Variants in PLSCR2 observed in about 807,000 individuals in gnomAD.
The protein encoded by PLSCR2 is phospholipid scramblase 2.
In PLSCR2, 18 loss-of-function variants were observed where a neutral mutation model predicts 25.3. The observed-to-expected ratio is 0.71, with a 90% CI of 0.49 to 1.06. The LOEUF is 1.06. Among genes scored for constraint, PLSCR2 ranks in the 50% least tolerant of loss-of-function variants. The pLI is 0.00. For synonymous variants in PLSCR2, 88 were observed against 87.3 expected, an observed-to-expected ratio of 1.01 and a Z score of -0.04; for missense variants, 243 against 269.5, an observed-to-expected ratio of 0.90 and a Z score of 0.69.
intron 2 of PLSCR2, among the ~76,000 whole-genome samples, chr3:146,405,095 G>A (rs754873430): frequency 5.2e-4 from 79 of 152,058 alleles, no homozygotes; most frequent in Non-Finnish European, 1.1e-3. Flanking sequence ...GAAGGCTAAC[G>A]CTCAAAATTC....
At chr3:146,408,268 C>T (rs548812231) in intron 2 of PLSCR2, among the ~76,000 whole-genome samples, 1 of 152,092 alleles carries the variant, frequency 6.6e-6, no homozygotes, top group Non-Finnish European at 1.5e-5. Context: ...TCTGGAGTCT[C>T]GAGCCTTTTT....
At chr3:146,461,815 A>G (rs1218628951), upstream of PLSCR2, 1 of 828,536 alleles carries the variant, frequency 1.2e-6, no homozygotes, top group Non-Finnish European at 2.0e-6. Flanking sequence ...ATTTTATCCC[A>G]GGTGTCATTG....
chr3:146,455,726 A>G (rs578259809), intron 3 of PLSCR2, among the ~76,000 whole-genome samples: 9 of 152,326 alleles, frequency 5.9e-5, no homozygotes, highest in Non-Finnish European at 1.2e-4. Context: ...CTGTGAGAAG[A>G]GAGACTTTGC....
chr3:146,405,620 A>T (rs2108016878), intron 2 of PLSCR2, among the ~76,000 whole-genome samples: 1 of 152,318 alleles, frequency 6.6e-6, no homozygotes, highest in Admixed American at 6.5e-5. Flanking sequence ...TAACAAGGGG[A>T]TTACATTGAG....
intron 6 of PLSCR2, among the ~76,000 whole-genome samples, chr3:146,445,389 T>C (rs1351003362): frequency 6.6e-6 from 1 of 152,172 alleles, no homozygotes; most frequent in Non-Finnish European, 1.5e-5. Context: ...CTGGAAAATC[T>C]GTATTTCTCC....
At chr3:146,468,641 A>G (rs1451563604) in intron 1 of PLSCR2, among the ~76,000 whole-genome samples, 3 of 152,190 alleles carry the variant, frequency 2.0e-5, no homozygotes, top group Non-Finnish European at 4.4e-5. Context: ...ACCTTTCCTA[A>G]CAACCCAGAC....
At position 146,449,115 on chromosome 3, in the gene PLSCR2, A is replaced by G. The variant is rs905038753; in HGVS notation, c.645+91T>C. The G allele has an allele frequency of 5.3e-6, 5 of 948,664 alleles. No homozygotes were observed. The Admixed American group carries it at 7.1e-5, about 14-fold the overall frequency. 58.8% of individuals were successfully genotyped at this position (948,664 alleles called of 1,614,324 possible). ...ATTTTATAAAACCTTTACACTTTAA[A>G]TGGTAATCTTAAAATGTATAATTTA... On this transcript the variant is annotated intron_variant, in intron 6 of 6. Transcript: ENST00000610787.
intron 1 of PLSCR2, among the ~76,000 whole-genome samples, chr3:146,483,475 A>T (rs1273037444): frequency 2.5e-5 from 1 of 39,848 alleles, no homozygotes; most frequent in South Asian, 9.7e-4. Context: ...ATATATATAC[A>T]TGTGTATATA....
At chr3:146,421,962 T>G (rs1277522797) in intron 2 of PLSCR2, among the ~76,000 whole-genome samples, 1 of 152,136 alleles carries the variant, frequency 6.6e-6, no homozygotes, top group Non-Finnish European at 1.5e-5. Flanking sequence ...TTTATCTTAT[T>G]TGCCTGGCCC....
chr3:146,490,288 C>T (rs2043499381), intron 1 of PLSCR2, among the ~76,000 whole-genome samples: 1 of 152,128 alleles, frequency 6.6e-6, no homozygotes, highest in Non-Finnish European at 1.5e-5. Context: ...ACTCCATTAG[C>T]TCTCAAGGCC....
At chr3:146,483,509 A>ATATATATATACACGTGT (rs1553791539) in intron 1 of PLSCR2, among the ~76,000 whole-genome samples, 1 of 127,072 alleles carries the variant, frequency 7.9e-6, no homozygotes, top group Non-Finnish European at 1.7e-5. Context: ...ATATATATAT[A>ATATATATATACACGTGT]ATGTTACTAC....
chr3:146,460,137 C>T, intron 1 of PLSCR2, 54 bp from the exon 2 acceptor site: 1 of 1,411,102 alleles, frequency 7.1e-7, no homozygotes, highest in South Asian at 1.4e-5. Flanking sequence ...GTCATCAATC[C>T]TTTTTAGAAT....
exon 5 of PLSCR2, chr3:146,454,110 C>A: frequency 6.2e-7 from 1 of 1,608,760 alleles, no homozygotes; most frequent in Non-Finnish European, 8.5e-7. Flanking sequence ...GACATGGGTG[C>A]CAGGTCTGAG....
downstream of PLSCR2, among the ~76,000 whole-genome samples, chr3:146,429,935 G>A (rs2039488425): frequency 6.6e-6 from 1 of 152,120 alleles, no homozygotes; most frequent in Admixed American, 6.6e-5. Context: ...GAAGGGGTGG[G>A]AGCAAAGAGG....
At chr3:146,419,647 A>G (rs2108069456) in intron 2 of PLSCR2, among the ~76,000 whole-genome samples, 1 of 151,650 alleles carries the variant, frequency 6.6e-6, no homozygotes, top group South Asian at 2.1e-4. Context: ...GAAACAAAAA[A>G]TATGTTTTGT....
upstream of PLSCR2, among the ~76,000 whole-genome samples, chr3:146,464,763 T>C (rs770275819): frequency 6.6e-6 from 1 of 152,194 alleles, no homozygotes; most frequent in Non-Finnish European, 1.5e-5. Context: ...ACATCTCTTT[T>C]AAAGTAATTA....
At chr3:146,414,822 G>GTATTTGA (rs1171951487) in intron 2 of PLSCR2, among the ~76,000 whole-genome samples, 5 of 152,148 alleles carry the variant, frequency 3.3e-5, no homozygotes, top group Non-Finnish European at 5.9e-5. Context: ...TGAAATACCT[G>GTATTTGA]TATTTGAGGA....
chr3:146,452,639 G>C (rs550998243), intron 5 of PLSCR2, among the ~76,000 whole-genome samples: 2 of 152,176 alleles, frequency 1.3e-5, no homozygotes, highest in South Asian at 4.1e-4. Context: ...GGTGTCTGCA[G>C]ACATAGAGAA....
chr3:146,470,961 G>A (rs2042095504), intron 1 of PLSCR2, among the ~76,000 whole-genome samples: 1 of 152,124 alleles, frequency 6.6e-6, no homozygotes, highest in Non-Finnish European at 1.5e-5. Flanking sequence ...AATTTAGAAT[G>A]ATGTTTGCCA....
Sources: gnomAD v4.1 joint callset for allele counts (sites outside exome capture counted in the v4.1 genomes callset) on GRCh38, gnomAD v4.1.1 for gene constraint, MANE v1.5 for transcripts, NCBI Gene and HGNC (gene_info 2026-07-23, HGNC 2026-07-21) for gene names.